Variants in GPD2 observed in about 807,000 individuals in gnomAD.
GPD2 encodes glycerol-3-phosphate dehydrogenase, mitochondrial.
GPD2 carries 54 observed loss-of-function variants against 82.4 expected under a neutral mutation model. The ratio of observed to expected loss-of-function variants is 0.66; its 90% CI spans 0.53 to 0.82. The LOEUF (loss-of-function observed/expected upper bound fraction) is 0.82, where lower values mean the gene tolerates loss of function less well. Ranked by LOEUF, GPD2 falls within the 40% of genes least tolerant of loss-of-function variation. GPD2 has a pLI of 0.00. For missense variants in GPD2, 748 were observed against 896.2 expected (o/e 0.83, Z 2.11); for synonymous variants, 288 against 306.1 (o/e 0.94, Z 0.62).
intron 1 of GPD2, 22 bp downstream of exon 1, chr2:156,436,535 C>T (rs1681924193): frequency 6.6e-6 from 1 of 152,274 alleles, no homozygotes; most frequent in Non-Finnish European, 1.5e-5. Flanking sequence ...CTGGGAGACC[C>T]CTTCCCCCGC....
rs1357132110 is a variant in GPD2, at chr2:156,512,239, C to T, written c.419C>T (p.Ala140Val). Residue 140 changes from alanine to valine, a missense_variant, in exon 5 of 17, where the codon GCC (alanine) becomes GTC (valine). Ala to Val is a moderately conservative substitution (Grantham distance 64). This residue lies in a region of GPD2 where 692 missense variants were observed against 809.7 expected (regional missense o/e 0.85). Coordinates refer to ENST00000438166, the MANE Select transcript of GPD2 (RefSeq NM_000408.5). Reference sequence around the variant, plus strand: ...TTTCAGTATAGGATGGTAAAAGAAGCCCTTCATGAGCGTGCCAACCTGCTA... The same window carrying T: ...TTTCAGTATAGGATGGTAAAAGAAGTCCTTCATGAGCGTGCCAACCTGCTA... ...DIEQYRMVKE[A>V]LHERANLLEI... 1 of 1,581,870 alleles carries T rather than the reference C, an allele frequency of 6.3e-7. No homozygotes were observed. The highest frequency in any genetic ancestry group is 1.1e-5 in the South Asian group (1 of 90,520).
intron 9 of GPD2, among the ~76,000 whole-genome samples, chr2:156,561,060 T>TTTTTTTTTA (rs1474959514): frequency 7.3e-6 from 1 of 136,576 alleles, no homozygotes; most frequent in African/African-American, 2.7e-5. Flanking sequence ...TTTTTTTTTT[T>TTTTTTTTTA]TTTTTGAGAT....
At chr2:156,428,639 G>A in the GPD2 span, among the ~76,000 whole-genome samples, 87,731 of 152,014 alleles carry the variant, frequency 0.58, 25,614 homozygotes, top group East Asian at 0.76. Flanking sequence ...TATTTACAGC[G>A]TGGCCTAGAG....
At chr2:156,570,962 A>G (rs1223713229) in intron 12 of GPD2, among the ~76,000 whole-genome samples, 172 bp from the exon 13 acceptor site, 3 of 152,214 alleles carry the variant, frequency 2.0e-5, no homozygotes, top group Non-Finnish European at 4.4e-5. Context: ...TGGCAGGCAG[A>G]TGGAAAACTT....
the GPD2 span, among the ~76,000 whole-genome samples, chr2:156,418,640 A>G: frequency 6.6e-6 from 1 of 152,284 alleles, no homozygotes; most frequent in East Asian, 1.9e-4. Context: ...AAGCAGATTA[A>G]TAGGATAAAA....
the GPD2 span, among the ~76,000 whole-genome samples, chr2:156,407,724 T>C: frequency 2.6e-5 from 4 of 152,174 alleles, no homozygotes. Context: ...AGTGAATGCC[T>C]TGAATGAATG....
intron 3 of GPD2, among the ~76,000 whole-genome samples, chr2:156,508,099 A>T (rs1196871347): frequency 6.6e-6 from 1 of 151,940 alleles, no homozygotes; most frequent in East Asian, 1.9e-4. Flanking sequence ...GTAAAACAAC[A>T]ATTATCATCA....
At chr2:156,526,037 G>A (rs956808444) in intron 6 of GPD2, among the ~76,000 whole-genome samples, 1 of 152,048 alleles carries the variant, frequency 6.6e-6, no homozygotes, top group Non-Finnish European at 1.5e-5. Context: ...GGTGGTAGTA[G>A]TGCCATGCTT....
At chr2:156,547,283 G>T (rs1686578904) in intron 6 of GPD2, among the ~76,000 whole-genome samples, 1 of 152,172 alleles carries the variant, frequency 6.6e-6, no homozygotes, top group Non-Finnish European at 1.5e-5. Context: ...GCCCTGGAAG[G>T]ATGCAGATAA....
At chr2:156,480,557 G>A (rs1053068023) in intron 2 of GPD2, among the ~76,000 whole-genome samples, 1 of 151,776 alleles carries the variant, frequency 6.6e-6, no homozygotes, top group Non-Finnish European at 1.5e-5. Context: ...AAATCTATTC[G>A]GGTCAGAAGA....
At position 156,578,879 on chromosome 2, in the gene GPD2, T is replaced by A. The variant is rs1272703281; in HGVS notation, c.1768-10T>A. On this transcript the variant is annotated splice_polypyrimidine_tract_variant and intron_variant, in intron 13 of 16. Transcript: ENST00000438166. The stretch of plus-strand genomic sequence containing the variant: ...TGTGTCTTTGAACTTTGTGTGTATC[T>A]CTGTTTTAGGAACAACTTGAAACAG... 4 of 1,454,886 alleles carry A rather than the reference T, an allele frequency of 2.7e-6. No homozygotes were observed. The highest frequency in any genetic ancestry group is 2.9e-6 in the Non-Finnish European group (3 of 1,036,128). The allele number at this position is 1,454,886 out of a possible 1,614,324, so 90.1% of individuals were successfully genotyped here.
chr2:156,570,437 A>G (rs1687573331), intron 12 of GPD2, among the ~76,000 whole-genome samples: 1 of 152,202 alleles, frequency 6.6e-6, no homozygotes, highest in South Asian at 2.1e-4. Context: ...AACATAAAAT[A>G]TAGGTTTCTT....
chr2:156,476,541 T>C (rs1683519608), intron 2 of GPD2, among the ~76,000 whole-genome samples: 2 of 152,228 alleles, frequency 1.3e-5, no homozygotes, highest in African/African-American at 4.8e-5. Flanking sequence ...ATACCTTCTA[T>C]GTTCCTGCCA....
intron 1 of GPD2, among the ~76,000 whole-genome samples, chr2:156,470,987 T>A (rs1683308878): frequency 6.6e-6 from 1 of 152,260 alleles, no homozygotes; most frequent in Non-Finnish European, 1.5e-5. Context: ...TCATCTGTGC[T>A]GTTTTCTGAG....
intron 8 of GPD2, among the ~76,000 whole-genome samples, chr2:156,554,176 A>G (rs1262167532): frequency 6.6e-6 from 1 of 152,202 alleles, no homozygotes; most frequent in Non-Finnish European, 1.5e-5. Flanking sequence ...CTTCCTATCA[A>G]GTCATTCTCT....
At chr2:156,426,835 AG>A in the GPD2 span, among the ~76,000 whole-genome samples, 3 of 149,500 alleles carry the variant, frequency 2.0e-5, no homozygotes, top group Non-Finnish European at 3.0e-5. Context: ...TAAAAAAAAA[AG>A]AGGAAGAATA....
At chr2:156,541,916 G>A (rs1686338238) in intron 6 of GPD2, among the ~76,000 whole-genome samples, 1 of 134,248 alleles carries the variant, frequency 7.4e-6, no homozygotes, top group Non-Finnish European at 1.5e-5. Flanking sequence ...ACTAATGTGT[G>A]GAACATTTTT....
At chr2:156,564,233 T>C (rs993652194) in intron 9 of GPD2, among the ~76,000 whole-genome samples, 1 of 152,154 alleles carries the variant, frequency 6.6e-6, no homozygotes, top group Non-Finnish European at 1.5e-5. Context: ...TTATTTATCT[T>C]CACTCTGCCA....
chr2:156,439,546 A>C (rs1387552643), intron 1 of GPD2, among the ~76,000 whole-genome samples: 3 of 141,556 alleles, frequency 2.1e-5, no homozygotes, highest in African/African-American at 2.6e-5. Flanking sequence ...AAAACAAAAA[A>C]AAAAAAACAA....
Sources: gnomAD v4.1 joint callset for allele counts (sites outside exome capture counted in the v4.1 genomes callset) on GRCh38, gnomAD v4.1.1 for gene constraint, gnomAD v4.1.1 regional missense constraint, MANE v1.5 for transcripts, NCBI Gene and HGNC (gene_info 2026-07-23, HGNC 2026-07-21) for gene names.